ZNF516: variants seen among roughly 807,000 people sequenced by gnomAD.
ZNF516 encodes the protein zinc finger protein 516.
A neutral mutation model predicts 79.7 loss-of-function variants in ZNF516; 19 were observed. The ratio of observed to expected loss-of-function variants is 0.24; its 90% CI spans 0.17 to 0.35. The LOEUF is 0.35. Among genes scored for constraint, ZNF516 ranks in the 10% least tolerant of loss-of-function variants. ZNF516 has a pLI of 1.00. For missense variants in ZNF516, 1,678 were observed against 1,679.5 expected, an observed-to-expected ratio of 1.00 and a Z score of 0.02; for synonymous variants, 877 against 739.5, an observed-to-expected ratio of 1.19 and a Z score of -3.02.
intron 6 of ZNF516, among the ~76,000 whole-genome samples, chr18:76,363,280 A>C (rs948070886): frequency 6.6e-6 from 1 of 152,206 alleles, no homozygotes; most frequent in Admixed American, 6.5e-5. Flanking sequence ...CTTCAGCTAA[A>C]ATCTTGATGA....
chr18:76,428,406 A>G (rs531057407), intron 3 of ZNF516, among the ~76,000 whole-genome samples: 2,670 of 152,028 alleles, frequency 0.018, 74 homozygotes, highest in African/African-American at 0.058. Context: ...AAAAAAAAAA[A>G]AAAGAAAGAA....
intron 4 of ZNF516, among the ~76,000 whole-genome samples, chr18:76,371,956 GA>G (rs963666155): frequency 1.3e-5 from 2 of 152,254 alleles, no homozygotes; most frequent in African/African-American, 4.8e-5. Context: ...GAGGCTCATG[GA>G]AAATAGGAAG....
intron 1 of ZNF516, chr18:76,490,898 CAG>C (rs1915140686): frequency 1.0e-6 from 1 of 985,534 alleles, no homozygotes; most frequent in Admixed American, 6.1e-5. Context: ...CTTTTCCAGG[CAG>C]TCCACAGAGC....
chr18:76,437,487 C>T (rs1290136298), intron 3 of ZNF516, among the ~76,000 whole-genome samples: 1 of 151,840 alleles, frequency 6.6e-6, no homozygotes, highest in Non-Finnish European at 1.5e-5. Flanking sequence ...CTTCAAATTG[C>T]ATATAATACC....
chr18:76,446,274 G>A (rs1046949500), intron 2 of ZNF516, among the ~76,000 whole-genome samples: 1 of 152,118 alleles, frequency 6.6e-6, no homozygotes, highest in African/African-American at 2.4e-5. Context: ...GGACATCCAG[G>A]CAAACACACA....
intron 1 of ZNF516, among the ~76,000 whole-genome samples, chr18:76,479,896 T>C (rs1914401116): frequency 6.6e-6 from 1 of 152,144 alleles, no homozygotes; most frequent in Non-Finnish European, 1.5e-5. Flanking sequence ...AAGAGCCCTT[T>C]CCCCTTAAAC....
At chr18:76,472,515 G>A (rs1483490955) in intron 1 of ZNF516, among the ~76,000 whole-genome samples, 4 of 152,230 alleles carry the variant, frequency 2.6e-5, no homozygotes, top group Non-Finnish European at 5.9e-5. Context: ...ATGCACTTGC[G>A]ACACGTGCGC....
intron 3 of ZNF516, among the ~76,000 whole-genome samples, chr18:76,409,663 G>GGCT (rs2075348399): frequency 6.6e-6 from 1 of 152,086 alleles, no homozygotes; most frequent in South Asian, 2.1e-4. Context: ...ATCTGTGCTG[G>GGCT]GCTCTCTGGA....
intron 3 of ZNF516, among the ~76,000 whole-genome samples, chr18:76,420,038 G>T (rs187768800): frequency 2.7e-4 from 41 of 152,230 alleles, no homozygotes; most frequent in Non-Finnish European, 5.3e-4. Flanking sequence ...CCAGGTACCT[G>T]GGGATCCCAT....
intron 2 of ZNF516, among the ~76,000 whole-genome samples, chr18:76,457,000 A>T (rs1196307071): frequency 1.3e-5 from 2 of 152,274 alleles, no homozygotes; most frequent in African/African-American, 4.8e-5. Flanking sequence ...TGGAAGCCAC[A>T]GAAAGGGAAG....
rs536934962 is a variant in ZNF516 at position 76,363,527 on chromosome 18, A to G, written c.3433-970T>C. On this transcript the variant is annotated intron_variant, in intron 6 of 6. Transcript: ENST00000443185. ...GGCATGTAGTGGAAGTCAGAAAGATACTGGACAAAATTTTACGAGGGGTTA... is the reference window on the plus strand; with the variant it reads ...GGCATGTAGTGGAAGTCAGAAAGATGCTGGACAAAATTTTACGAGGGGTTA... 1.2e-4 allele frequency among the ~76,000 whole-genome samples: 18 copies of G among 152,332 alleles called. No individual in the cohort carries two copies. The East Asian group carries it at 3.3e-3, about 28-fold the overall frequency.
chr18:76,368,571 T>G (rs2074655196), intron 6 of ZNF516, among the ~76,000 whole-genome samples: 1 of 151,824 alleles, frequency 6.6e-6, no homozygotes, highest in South Asian at 2.1e-4. Flanking sequence ...AGGCTAAGTC[T>G]GAAAGCCACA....
At chr18:76,439,933 G>C (rs985478703) in intron 3 of ZNF516, among the ~76,000 whole-genome samples, 1 of 151,620 alleles carries the variant, frequency 6.6e-6, no homozygotes, top group Non-Finnish European at 1.5e-5. Flanking sequence ...GGTCAACCCG[G>C]TTTCACATGA....
At chr18:76,473,279 T>G (rs930544314) in intron 1 of ZNF516, among the ~76,000 whole-genome samples, 1 of 146,126 alleles carries the variant, frequency 6.8e-6, no homozygotes, top group African/African-American at 2.5e-5. Context: ...GAAATAAATA[T>G]TAATGGAATA....
At chr18:76,364,451 G>C (rs1041362628) in intron 6 of ZNF516, among the ~76,000 whole-genome samples, 2 of 152,226 alleles carry the variant, frequency 1.3e-5, no homozygotes, top group Non-Finnish European at 2.9e-5. Context: ...AAGGGAAAGA[G>C]TAGTCAAAAC....
rs144146943 is a variant in ZNF516, at chr18:76,464,180, T to A, written c.-271-1039A>T. 2.6e-3 allele frequency among the ~76,000 whole-genome samples: 397 copies of A among 151,732 alleles called. 1 individual carries two copies. Among genetic ancestry groups the A allele is most frequent in the African/African-American group, 8.9e-3 (367 of 41,368 alleles). Reference sequence around the variant, plus strand: ...CTGTACTAAAAATACAAAAAAAAATTTTAGTACTTTAAAAATTTTTAATGT... The same window carrying A: ...CTGTACTAAAAATACAAAAAAAAATATTAGTACTTTAAAAATTTTTAATGT... On this transcript the variant is annotated intron_variant, in intron 1 of 6. Transcript: ENST00000443185.
chr18:76,475,461 C>G (rs1914119360), intron 1 of ZNF516, among the ~76,000 whole-genome samples: 1 of 152,132 alleles, frequency 6.6e-6, no homozygotes, highest in South Asian at 2.1e-4. Context: ...TTAAAATGCC[C>G]CTCCATCCCC....
chr18:76,430,304 A>G (rs1303696935), intron 3 of ZNF516, among the ~76,000 whole-genome samples: 2 of 152,254 alleles, frequency 1.3e-5, no homozygotes, highest in Non-Finnish European at 2.9e-5. Context: ...ATACCGAAAT[A>G]ATCTATAAAA....
intron 3 of ZNF516, among the ~76,000 whole-genome samples, chr18:76,427,348 A>C (rs2075609167): frequency 6.6e-6 from 1 of 152,252 alleles, no homozygotes; most frequent in Non-Finnish European, 1.5e-5. Context: ...GCACACAAAG[A>C]TTGAGTCTAT....
Sources: gnomAD v4.1 joint callset for allele counts (sites outside exome capture counted in the v4.1 genomes callset) on GRCh38, gnomAD v4.1.1 for gene constraint, MANE v1.5 for transcripts, NCBI Gene and HGNC (gene_info 2026-07-23, HGNC 2026-07-21) for gene names.